IL1RAPL1: variants seen among roughly 807,000 people sequenced by gnomAD.
The protein encoded by IL1RAPL1 is interleukin 1 receptor accessory protein like 1.
Under a neutral mutation model 48.4 loss-of-function variants are expected in IL1RAPL1, and 3 were observed. That is an observed-to-expected ratio of 0.06 (90% CI 0.03 to 0.16). The LOEUF (loss-of-function observed/expected upper bound fraction) is 0.16. Among genes scored for constraint, IL1RAPL1 ranks in the 10% least tolerant of loss-of-function variants. The pLI is 1.00. For synonymous variants in IL1RAPL1, 185 were observed against 187.7 expected (o/e 0.99, Z 0.12); for missense variants, 349 against 530.6 (o/e 0.66, Z 3.36).
intron 2 of IL1RAPL1, among the ~76,000 whole-genome samples, chrX:29,204,658 T>C (rs1930627799): frequency 8.9e-6 from 1 of 112,418 alleles, no homozygotes; most frequent in Non-Finnish European, 1.9e-5. Flanking sequence ...TTGTAGTAAT[T>C]ATATTTTTCC....
chrX:29,180,236 A>G (rs1930116713), intron 2 of IL1RAPL1, among the ~76,000 whole-genome samples: 1 of 110,563 alleles, frequency 9.0e-6, no homozygotes, highest in South Asian at 3.8e-4. Context: ...AAATTGAGGA[A>G]CAATGTTTTA....
intron 6 of IL1RAPL1, among the ~76,000 whole-genome samples, chrX:29,699,373 G>A (rs1057354957): frequency 1.8e-5 from 2 of 112,475 alleles, no homozygotes; most frequent in African/African-American, 6.5e-5. Context: ...AGTGGAACAC[G>A]TGTGGTTATA....
intron 3 of IL1RAPL1, among the ~76,000 whole-genome samples, chrX:29,367,821 C>T (rs922690606): frequency 4.6e-5 from 5 of 109,534 alleles, no homozygotes; most frequent in South Asian, 7.7e-4. Context: ...TCAGGTAATC[C>T]GCCCACCTTG....
chrX:29,896,632 A>G (rs973498293), intron 6 of IL1RAPL1, among the ~76,000 whole-genome samples: 1 of 112,590 alleles, frequency 8.9e-6, no homozygotes, highest in African/African-American at 3.2e-5. Flanking sequence ...GAAGATCACA[A>G]GCAGGCTTGA....
chrX:28,647,735 G>A (rs1177765169), intron 1 of IL1RAPL1, among the ~76,000 whole-genome samples: 1 of 111,699 alleles, frequency 9.0e-6, no homozygotes, highest in African/African-American at 3.3e-5. Context: ...GTTTTGAAAT[G>A]AGTTGTGACA....
At chrX:28,603,833 C>T (rs1335432093) in intron 1 of IL1RAPL1, among the ~76,000 whole-genome samples, 1 of 112,492 alleles carries the variant, frequency 8.9e-6, no homozygotes, top group Non-Finnish European at 1.9e-5. Context: ...GTTCATGATG[C>T]AATGTTACTG....
At chrX:28,776,663 T>C (rs368856130) in intron 1 of IL1RAPL1, among the ~76,000 whole-genome samples, 2 of 111,854 alleles carry the variant, frequency 1.8e-5, no homozygotes, top group African/African-American at 3.2e-5. Context: ...TAAATTATTG[T>C]CAGTAGAAAA....
At chrX:28,847,751 A>T (rs1921549297) in intron 2 of IL1RAPL1, among the ~76,000 whole-genome samples, 1 of 111,056 alleles carries the variant, frequency 9.0e-6, no homozygotes, top group African/African-American at 3.3e-5. Context: ...CTTTTCTCAA[A>T]CACCTCTGCT....
intron 5 of IL1RAPL1, among the ~76,000 whole-genome samples, chrX:29,534,447 A>G (rs944504345): frequency 8.9e-6 from 1 of 112,074 alleles, no homozygotes; most frequent in African/African-American, 3.2e-5. Flanking sequence ...TAATCTGACT[A>G]TATTCTGAGT....
chrX:28,868,125 A>G (rs1411366582), intron 2 of IL1RAPL1, among the ~76,000 whole-genome samples: 1 of 111,536 alleles, frequency 9.0e-6, no homozygotes, highest in Non-Finnish European at 1.9e-5. Flanking sequence ...ACCAAAGTAA[A>G]CAATGACATA....
chrX:29,850,882 A>T (rs1277638362), intron 6 of IL1RAPL1, among the ~76,000 whole-genome samples: 1 of 112,013 alleles, frequency 8.9e-6, no homozygotes, highest in Non-Finnish European at 1.9e-5. Context: ...AGCCTTCCAA[A>T]TTCAGTGTTT....
At chrX:28,920,698 A>G (rs903421458) in intron 2 of IL1RAPL1, among the ~76,000 whole-genome samples, 1 of 111,970 alleles carries the variant, frequency 8.9e-6, no homozygotes, top group South Asian at 3.7e-4. Flanking sequence ...GTACTAGAAT[A>G]CAAGACTCTC....
chrX:29,615,144 G>A (rs746542293), intron 5 of IL1RAPL1, among the ~76,000 whole-genome samples: 5 of 111,512 alleles, frequency 4.5e-5, no homozygotes, highest in Non-Finnish European at 3.8e-5. Context: ...CAAAATATAG[G>A]TGTATATACA....
At chrX:29,894,349 C>T (rs1487735195) in intron 6 of IL1RAPL1, among the ~76,000 whole-genome samples, 3 of 112,280 alleles carry the variant, frequency 2.7e-5, no homozygotes, top group African/African-American at 9.7e-5. Flanking sequence ...AGACAGTTTT[C>T]ATATTTTTAG....
At position 29,941,416 on chromosome X, in the gene IL1RAPL1, ACAAG is replaced by A. The variant is rs933270931; in HGVS notation, c.1058-231_1058-228del. Among the ~76,000 whole-genome samples, 5 of 112,016 alleles carry A rather than the reference ACAAG, an allele frequency of 4.5e-5. No homozygotes were observed. The Admixed American group carries it at 4.7e-4, about 11-fold the overall frequency. On this transcript the variant is annotated intron_variant, in intron 8 of 10. Transcript: ENST00000378993. ...CTACCAACCAAGGTTCATTTTTACC[ACAAG>A]CAATGTTGCTTAGCAACATGGTTGT... is the stretch of plus-strand genomic sequence containing the variant.
At chrX:29,018,438 A>G (rs1397815711) in intron 2 of IL1RAPL1, among the ~76,000 whole-genome samples, 1 of 112,144 alleles carries the variant, frequency 8.9e-6, no homozygotes, top group African/African-American at 3.2e-5. Flanking sequence ...GATTCTGGAA[A>G]CATTCAGGAG....
intron 6 of IL1RAPL1, among the ~76,000 whole-genome samples, chrX:29,705,317 T>C (rs1927163084): frequency 1.8e-5 from 2 of 111,416 alleles, no homozygotes; most frequent in Non-Finnish European, 3.8e-5. Flanking sequence ...TGGGTTTGAG[T>C]GATTCTCGTT....
chrX:29,922,152 C>T (rs1054986655), intron 8 of IL1RAPL1, among the ~76,000 whole-genome samples: 1 of 110,970 alleles, frequency 9.0e-6, no homozygotes, highest in Non-Finnish European at 1.9e-5. Flanking sequence ...TATTAAAGCT[C>T]TGTTTTTACA....
chrX:29,639,195 A>C (rs1048774588), intron 5 of IL1RAPL1, among the ~76,000 whole-genome samples: 1 of 111,934 alleles, frequency 8.9e-6, no homozygotes, highest in Non-Finnish European at 1.9e-5. Flanking sequence ...CAAAAAAAAA[A>C]AAAAAACAGG....
Sources: allele counts gnomAD v4.1 joint callset (sites outside exome capture counted in the v4.1 genomes callset), GRCh38; gene constraint gnomAD v4.1.1; transcripts MANE v1.5; gene names NCBI Gene and HGNC (gene_info 2026-07-23, HGNC 2026-07-21).